The following SHANK2 variants were observed in gnomAD, a reference collection of about 807,000 sequenced individuals.
SHANK2 encodes the protein SH3 and multiple ankyrin repeat domains 2, also known as SH3 and multiple ankyrin repeat domains protein 2.
In SHANK2, 43 loss-of-function variants were observed where a neutral mutation model predicts 133.7. The ratio of observed to expected loss-of-function variants is 0.32; its 90% CI spans 0.25 to 0.41. The LOEUF (loss-of-function observed/expected upper bound fraction) is 0.41. Among genes scored for constraint, SHANK2 ranks in the 10% least tolerant of loss-of-function variants. The pLI, the probability that SHANK2 is intolerant of heterozygous loss-of-function variation, is 1.00. For synonymous variants in SHANK2, 1,017 were observed against 952.8 expected, an observed-to-expected ratio of 1.07 and a Z score of -1.24; for missense variants, 1,994 against 2,235.8, an observed-to-expected ratio of 0.89 and a Z score of 2.18.
intron 10 of SHANK2, among the ~76,000 whole-genome samples, chr11:70,913,084 TA>T (rs10719298): frequency 0.64 from 91,240 of 142,164 alleles, 28,628 homozygotes; most frequent in Admixed American, 0.7. Context: ...AAAAGGAAAT[TA>T]AAAAAAAAAA....
chr11:70,765,672 C>G (rs114856994), intron 14 of SHANK2, among the ~76,000 whole-genome samples: 2,888 of 152,290 alleles, frequency 0.019, 38 homozygotes, highest in Middle Eastern at 0.031. Flanking sequence ...TCCCAAGAAG[C>G]AAGAACTCCC....
intron 17 of SHANK2, among the ~76,000 whole-genome samples, chr11:70,608,624 C>T (rs1364189417): frequency 2.6e-5 from 4 of 152,210 alleles, no homozygotes; most frequent in Admixed American, 1.3e-4. Flanking sequence ...TCCTCTTGGC[C>T]GAGCCTGGGC....
chr11:70,578,424 C>T (rs143048678), intron 17 of SHANK2, among the ~76,000 whole-genome samples: 16 of 152,344 alleles, frequency 1.1e-4, no homozygotes, highest in South Asian at 4.1e-4. Flanking sequence ...GCACAGAAGG[C>T]GAGGTCTCAG....
intron 11 of SHANK2, among the ~76,000 whole-genome samples, chr11:70,849,127 G>C (rs1315824616): frequency 6.6e-6 from 1 of 152,100 alleles, no homozygotes; most frequent in Non-Finnish European, 1.5e-5. Context: ...TCCCCACCAG[G>C]ACACAAGGCA....
chr11:70,610,909 C>CA (rs2060649369), intron 17 of SHANK2, among the ~76,000 whole-genome samples: 2 of 152,182 alleles, frequency 1.3e-5, no homozygotes, highest in Non-Finnish European at 2.9e-5. Flanking sequence ...ATTTGAAAAA[C>CA]AAATGGTCCT....
At chr11:70,717,190 C>T (rs1479503759) in intron 14 of SHANK2, among the ~76,000 whole-genome samples, 1 of 152,166 alleles carries the variant, frequency 6.6e-6, no homozygotes, top group Non-Finnish European at 1.5e-5. Context: ...CAGGGACTTT[C>T]AATACAGTTT....
chr11:70,774,186 A>G (rs1204960811), intron 14 of SHANK2, among the ~76,000 whole-genome samples: 5 of 152,208 alleles, frequency 3.3e-5, no homozygotes, highest in Non-Finnish European at 7.4e-5. Flanking sequence ...ACACTGTCCT[A>G]ACTAAAAGAA....
intron 11 of SHANK2, among the ~76,000 whole-genome samples, chr11:70,855,373 T>G (rs1488517922): frequency 6.6e-6 from 1 of 152,194 alleles, no homozygotes; most frequent in Non-Finnish European, 1.5e-5. Flanking sequence ...CTGGCCCAAC[T>G]CAGTCACAGA....
At chr11:70,926,303 T>C (rs183747574) in intron 10 of SHANK2, among the ~76,000 whole-genome samples, 296 of 152,192 alleles carry the variant, frequency 1.9e-3, no homozygotes, top group African/African-American at 6.7e-3. Flanking sequence ...CCCAGCTATT[T>C]GGGAGGCTGA....
intron 14 of SHANK2, among the ~76,000 whole-genome samples, chr11:70,717,292 C>G (rs1475013884): frequency 6.6e-6 from 1 of 152,156 alleles, no homozygotes; most frequent in Non-Finnish European, 1.5e-5. Context: ...TTGAGGTTAA[C>G]CACAGTGCTT....
At chr11:71,180,649 C>T (rs149018416) in intron 2 of SHANK2, among the ~76,000 whole-genome samples, 353 of 152,256 alleles carry the variant, frequency 2.3e-3, no homozygotes, top group African/African-American at 7.9e-3. Flanking sequence ...GCGGGGGCGG[C>T]GGGAATGGCA....
At chr11:70,810,528 T>C (rs1948256740) in intron 12 of SHANK2, among the ~76,000 whole-genome samples, 1 of 152,092 alleles carries the variant, frequency 6.6e-6, no homozygotes, top group African/African-American at 2.4e-5. Context: ...TCCTTGAACT[T>C]CCCTTAATGC....
chr11:70,663,958 C>G (rs781893613), intron 15 of SHANK2, among the ~76,000 whole-genome samples: 1 of 152,224 alleles, frequency 6.6e-6, no homozygotes, highest in African/African-American at 2.4e-5. Context: ...CTCTTGGGAT[C>G]ACCATGGGGT....
At chr11:70,658,907 G>C (rs1288473085) in intron 17 of SHANK2, among the ~76,000 whole-genome samples, 1 of 152,208 alleles carries the variant, frequency 6.6e-6, no homozygotes, top group Non-Finnish European at 1.5e-5. Flanking sequence ...ACGAGGCTGG[G>C]CTCAGGGTGA....
chr11:70,614,549 G>A (rs1029020033), intron 17 of SHANK2, among the ~76,000 whole-genome samples: 1 of 152,094 alleles, frequency 6.6e-6, no homozygotes, highest in Non-Finnish European at 1.5e-5. Flanking sequence ...CTGACCTCAG[G>A]TGATCCACCT....
chr11:71,169,098 A>T (rs1486034373), intron 2 of SHANK2, among the ~76,000 whole-genome samples: 1 of 152,092 alleles, frequency 6.6e-6, no homozygotes, highest in Non-Finnish European at 1.5e-5. Context: ...CACCACAGGG[A>T]TGGAAGGGGA....
At chr11:71,151,744 T>C (rs1555108120) in intron 2 of SHANK2, among the ~76,000 whole-genome samples, 1 of 152,156 alleles carries the variant, frequency 6.6e-6, no homozygotes, top group African/African-American at 2.4e-5. Flanking sequence ...CCCACACTGG[T>C]TCTGCCCCAG....
intron 14 of SHANK2, among the ~76,000 whole-genome samples, chr11:70,710,704 C>T (rs1256872356): frequency 6.6e-6 from 1 of 152,176 alleles, no homozygotes; most frequent in Non-Finnish European, 1.5e-5. Context: ...CCAAATCCTG[C>T]CCACAACCTG....
At chr11:70,525,184 G>A (rs965699318) in intron 17 of SHANK2, among the ~76,000 whole-genome samples, 11 of 152,234 alleles carry the variant, frequency 7.2e-5, no homozygotes, top group East Asian at 1.9e-4. Context: ...TGCAGGCCTC[G>A]AGGACTTGGG....
Sources: gnomAD v4.1 joint callset for allele counts (sites outside exome capture counted in the v4.1 genomes callset) on GRCh38, gnomAD v4.1.1 for gene constraint, MANE v1.5 for transcripts, NCBI Gene and HGNC (gene_info 2026-07-23, HGNC 2026-07-21) for gene names.